ATP6V1H: variants seen among roughly 807,000 people sequenced by gnomAD.
ATP6V1H encodes the protein V-type proton ATPase subunit H.
A neutral mutation model predicts 71.7 loss-of-function variants in ATP6V1H; 39 were observed. The ratio of observed to expected loss-of-function variants is 0.54; its 90% CI spans 0.42 to 0.71. The LOEUF is 0.71. ATP6V1H is among the 30% of genes least tolerant of loss of function. The probability of loss-of-function intolerance (pLI) is 0.00; values close to 1 mark genes in which losing one functional copy is unlikely to be tolerated. For synonymous variants in ATP6V1H, 192 were observed against 199.3 expected (o/e 0.96, Z 0.31); for missense variants, 509 against 594.9 (o/e 0.86, Z 1.50).
At chr8:53,820,508 A>T (rs991168143) in intron 4 of ATP6V1H, among the ~76,000 whole-genome samples, 15 of 151,844 alleles carry the variant, frequency 9.9e-5, no homozygotes, top group East Asian at 3.9e-4. Context: ...CAATTAAAAA[A>T]TTTTTTTAAT....
intron 13 of ATP6V1H, among the ~76,000 whole-genome samples, chr8:53,721,296 T>A (rs1389554908): frequency 6.6e-6 from 1 of 152,210 alleles, no homozygotes; most frequent in Non-Finnish European, 1.5e-5. Flanking sequence ...ATTTTGTTTT[T>A]CCTACATAAC....
chr8:53,840,883 C>T (rs1455265545), intron 2 of ATP6V1H, among the ~76,000 whole-genome samples: 2 of 152,220 alleles, frequency 1.3e-5, no homozygotes, highest in African/African-American at 4.8e-5. Context: ...GTCAAGAATA[C>T]ATGAATGCTC....
At chr8:53,816,508 G>A (rs540892267) in intron 5 of ATP6V1H, among the ~76,000 whole-genome samples, 16 of 152,290 alleles carry the variant, frequency 1.1e-4, no homozygotes, top group East Asian at 5.8e-4. Flanking sequence ...GTTTAAAACA[G>A]GAGTGTAGGC....
At chr8:53,799,975 A>G (rs574151201) in intron 8 of ATP6V1H, among the ~76,000 whole-genome samples, 1 of 152,328 alleles carries the variant, frequency 6.6e-6, no homozygotes, top group South Asian at 2.1e-4. Flanking sequence ...TTGTTAAAGC[A>G]GCCCAAATAG....
chr8:53,727,005 C>A (rs1806834721), intron 13 of ATP6V1H, among the ~76,000 whole-genome samples: 1 of 152,234 alleles, frequency 6.6e-6, no homozygotes, highest in Non-Finnish European at 1.5e-5. Flanking sequence ...ATTAGCAATT[C>A]CTTTCAATAA....
chr8:53,722,679 C>G (rs1044694746), intron 13 of ATP6V1H, among the ~76,000 whole-genome samples: 1 of 151,948 alleles, frequency 6.6e-6, no homozygotes, highest in Admixed American at 6.6e-5. Context: ...GTTGAATAAA[C>G]GGTAGTTGAA....
intron 9 of ATP6V1H, among the ~76,000 whole-genome samples, chr8:53,788,578 T>C (rs1809455813): frequency 6.6e-6 from 1 of 152,214 alleles, no homozygotes; most frequent in African/African-American, 2.4e-5. Context: ...TATTTACTAT[T>C]GCAGACACTT....
rs562672555 is a variant in ATP6V1H, at chr8:53,778,081, A to G, written c.871-5914T>C. Among the ~76,000 whole-genome samples, 4 of 152,360 alleles carry G rather than the reference A, an allele frequency of 2.6e-5. No individual in the cohort carries two copies. In the East Asian group the frequency reaches 7.7e-4, roughly 29 times the overall value. ...AAGACTACAAGTGCTTACATTTTAC[A>G]TAAGGTAGTACAATAGAAAGGATGT... is the stretch of plus-strand genomic sequence containing the variant. On this transcript the variant is annotated intron_variant, in intron 9 of 13. Transcript: ENST00000359530.
At chr8:53,723,896 A>G (rs1806712482) in intron 13 of ATP6V1H, among the ~76,000 whole-genome samples, 2 of 152,226 alleles carry the variant, frequency 1.3e-5, no homozygotes, top group African/African-American at 4.8e-5. Flanking sequence ...TTAAATTTGT[A>G]AATCCAATAT....
chr8:53,808,228 TTC>T (rs1351524139), intron 7 of ATP6V1H, among the ~76,000 whole-genome samples: 7 of 152,192 alleles, frequency 4.6e-5, no homozygotes, highest in Admixed American at 4.6e-4. Context: ...AATCCCCAGG[TTC>T]TTTCTAAATC....
At chr8:53,750,927 A>G (rs1246865377) in intron 12 of ATP6V1H, among the ~76,000 whole-genome samples, 4 of 152,246 alleles carry the variant, frequency 2.6e-5, no homozygotes, top group African/African-American at 9.6e-5. Flanking sequence ...AAGAGTGCTT[A>G]CTATGTAGCA....
At chr8:53,769,194 T>C (rs1299135706) in intron 11 of ATP6V1H, among the ~76,000 whole-genome samples, 2 of 152,026 alleles carry the variant, frequency 1.3e-5, no homozygotes, top group African/African-American at 4.8e-5. Flanking sequence ...TGACCTTGAG[T>C]AGGCAAAAAC....
In ATP6V1H at chr8:53,761,163, T is replaced by C. The variant is rs555926806; in HGVS notation, c.1176-4507A>G. 5.2e-3 allele frequency among the ~76,000 whole-genome samples: 794 copies of C among 152,030 alleles called. 8 individuals are homozygous for C. The highest frequency in any genetic ancestry group is 6.6e-3 in the Non-Finnish European group (448 of 67,948). ...CATCCTGGCTAACACGGTGAAACCC[T>C]GTCTCTACTAAAAAATAGAAAAAAT... On this transcript the variant is annotated intron_variant, in intron 11 of 13. Coordinates refer to ENST00000359530, the MANE Select transcript of ATP6V1H (RefSeq NM_015941.4).
At chr8:53,746,943 T>C (rs745731653) in intron 12 of ATP6V1H, among the ~76,000 whole-genome samples, 9 of 152,350 alleles carry the variant, frequency 5.9e-5, no homozygotes, top group Middle Eastern at 3.4e-3. Flanking sequence ...GTCAATAGCA[T>C]GTTAAGCTTT....
intron 7 of ATP6V1H, among the ~76,000 whole-genome samples, chr8:53,807,266 G>A (rs1238693248): frequency 1.3e-5 from 2 of 152,016 alleles, no homozygotes; most frequent in Non-Finnish European, 2.9e-5. Context: ...AGAACTGCCA[G>A]AGAAAACAAT....
intron 9 of ATP6V1H, among the ~76,000 whole-genome samples, chr8:53,784,773 A>C (rs948411008): frequency 6.6e-6 from 1 of 152,090 alleles, no homozygotes; most frequent in Non-Finnish European, 1.5e-5. Flanking sequence ...TCTGTAAATG[A>C]TTTTATTTCT....
rs1808423883 is a variant in ATP6V1H at position 53,765,460 on chromosome 8, C to CACACAG, written c.1175+4157_1175+4158insCTGTGT. Among the ~76,000 whole-genome samples the CACACAG allele has an allele frequency of 1.7e-4, 3 of 17,724 alleles. 1 individual carries two copies. Among genetic ancestry groups the CACACAG allele is most frequent in the African/African-American group, 2.4e-4 (3 of 12,276 alleles). 11.6% of individuals were successfully genotyped at this position (17,724 alleles called of 152,430 possible). A position where few individuals can be genotyped will look rare whatever the true frequency, so the allele number is the denominator to read the frequency against. On this transcript the variant is annotated intron_variant, in intron 11 of 13. Transcript: ENST00000359530. ...GGTGGACAACAACAACAACAACACA[C>CACACAG]ACACACACACACACACACACACACA...
chr8:53,781,462 T>C (rs1017894883), intron 9 of ATP6V1H, among the ~76,000 whole-genome samples: 22 of 152,220 alleles, frequency 1.4e-4, no homozygotes, highest in African/African-American at 5.3e-4. Context: ...ATGAGTAGGT[T>C]GCAAAAATGT....
intron 4 of ATP6V1H, among the ~76,000 whole-genome samples, chr8:53,823,054 CTT>C (rs1443753112): frequency 1.3e-5 from 2 of 151,772 alleles, no homozygotes; most frequent in Admixed American, 6.6e-5. Context: ...ACATACCACT[CTT>C]AGTACAAAAA....
Sources: allele counts gnomAD v4.1 joint callset (sites outside exome capture counted in the v4.1 genomes callset), GRCh38; gene constraint gnomAD v4.1.1; transcripts MANE v1.5; gene names NCBI Gene and HGNC (gene_info 2026-07-23, HGNC 2026-07-21).